LLGL1: variants seen among roughly 807,000 people sequenced by gnomAD.
LLGL1 encodes the protein LLGL scribble cell polarity complex component 1.
Under a neutral mutation model 110.6 loss-of-function variants are expected in LLGL1, and 58 were observed. That is an observed-to-expected ratio of 0.52 (90% CI 0.42 to 0.65). The LOEUF (loss-of-function observed/expected upper bound fraction) is 0.65, where lower values mean the gene tolerates loss of function less well. Ranked by LOEUF, LLGL1 falls within the 30% of genes least tolerant of loss-of-function variation. The pLI is 0.00. For synonymous variants in LLGL1, 674 were observed against 607.2 expected (o/e 1.11, Z -1.62); for missense variants, 1,229 against 1,462.1 (o/e 0.84, Z 2.60).
chr17:18,230,144 C>T (rs2047535864), intron 2 of LLGL1, 106 bp downstream of exon 2: 1 of 821,864 alleles, frequency 1.2e-6, no homozygotes, highest in Non-Finnish European at 1.9e-6. Flanking sequence ...GAGAGGAGGA[C>T]AGAGGTGCTC....
intron 20 of LLGL1, 76 bp downstream of exon 20, chr17:18,242,354 C>G (rs2047858918): frequency 6.5e-7 from 1 of 1,549,804 alleles, no homozygotes; most frequent in East Asian, 2.2e-5. Context: ...TCACATAGCT[C>G]AGGGATCGGG....
At position 18,238,626 on chromosome 17, in the gene LLGL1, G is replaced by A; in HGVS notation, c.2206+17G>A. 6.2e-7 allele frequency: 1 copy of A among 1,604,538 alleles called. No individual in the cohort carries two copies. The highest frequency in any genetic ancestry group is 8.5e-7 in the Non-Finnish European group (1 of 1,176,184). ...TTCGAGATGGTAAGGCAGGGGCAGG[G>A]GCAGGGACAGGGCAAGGGTTGGGGG... On this transcript the variant is annotated intron_variant, in intron 16 of 22. Transcript: ENST00000316843.
At chr17:18,228,303 C>A (rs568215532) in intron 1 of LLGL1, among the ~76,000 whole-genome samples, 2 of 152,160 alleles carry the variant, frequency 1.3e-5, no homozygotes, top group African/African-American at 2.4e-5. Flanking sequence ...TACTCCTGAG[C>A]GACAGGAAGT....
intron 16 of LLGL1, 67 bp downstream of exon 16, chr17:18,238,676 G>C (rs2047753283): frequency 6.7e-7 from 1 of 1,490,102 alleles, no homozygotes; most frequent in Non-Finnish European, 9.2e-7. Context: ...GGCCACCTGG[G>C]AGATGGGTGG....
chr17:18,240,801 A>G lies in LLGL1; in HGVS notation c.2430A>G (p.Ser810=). The change falls in exon 17 of 23, where the codon TCA becomes TCG. Residue 810 remains serine, a synonymous_variant. Coordinates refer to ENST00000316843, the MANE Select transcript of LLGL1 (RefSeq NM_004140.4). The surrounding 1 kb of genome is among the most constrained non-coding windows in gnomAD (Gnocchi z 5.3). ...GRPLPEPYEA[S]RDLAQAPDMQ... ...CACTGCCCGAGCCCTACGAGGCCTCACGGGACCTGGCGCAGGCACCTGACA... is the reference window on the plus strand; with the variant it reads ...CACTGCCCGAGCCCTACGAGGCCTCGCGGGACCTGGCGCAGGCACCTGACA... The G allele has an allele frequency of 1.9e-6, 3 of 1,587,972 alleles. No homozygotes were observed. In the South Asian group the frequency reaches 3.4e-5, roughly 18 times the overall value.
chr17:18,227,803 C>T (rs866975235), intron 1 of LLGL1, among the ~76,000 whole-genome samples: 3 of 152,176 alleles, frequency 2.0e-5, no homozygotes, highest in Admixed American at 6.5e-5. Context: ...AGTAAGGGCC[C>T]TCCGCTGAGG....
intron 22 of LLGL1, among the ~76,000 whole-genome samples, chr17:18,243,082 C>T (rs571122210): frequency 1.3e-5 from 2 of 149,996 alleles, no homozygotes; most frequent in Non-Finnish European, 3.0e-5. Flanking sequence ...GTGGTTAGGA[C>T]AAGACCAGAT....
At position 18,242,587 on chromosome 17, in the gene LLGL1, G is replaced by A; in HGVS notation, c.3075G>A (p.Thr1025=). The change falls in exon 21 of 23, where the codon ACG becomes ACA. Residue 1025 remains threonine, a synonymous_variant. Transcript: ENST00000316843. ...SATSADTTLD[T]TGDVTVEDVK... ...CCAGTGCTGACACCACGCTGGACAC[G>A]ACAGGGGACGTCACAGTGGAAGATG... 6.2e-7 allele frequency: 1 copy of A among 1,614,010 alleles called. No homozygotes were observed. Among genetic ancestry groups the A allele is most frequent in the Non-Finnish European group, 8.5e-7 (1 of 1,179,940 alleles).
chr17:18,235,041 C>T, intron 9 of LLGL1, 48 bp downstream of exon 9: 1 of 1,613,782 alleles, frequency 6.2e-7, no homozygotes, highest in Non-Finnish European at 8.5e-7. Flanking sequence ...ACCTGGTGCC[C>T]TCTGCCACCT....
At chr17:18,235,956 G>T in intron 11 of LLGL1, 1 of 219,742 alleles carries the variant, frequency 4.6e-6, no homozygotes, top group Non-Finnish European at 9.1e-6. Flanking sequence ...TCTGACTCTG[G>T]TGTGCCCTTC....
At chr17:18,243,732 C>T (rs970576957) in intron 22 of LLGL1, among the ~76,000 whole-genome samples, 176 bp from the exon 23 acceptor site, 2 of 152,178 alleles carry the variant, frequency 1.3e-5, no homozygotes, top group East Asian at 1.9e-4. Flanking sequence ...TGTGGCCTGG[C>T]GCTTGGATAC....
intron 11 of LLGL1, 40 bp from the exon 12 acceptor site, chr17:18,236,567 C>T (rs2047698305): frequency 1.3e-6 from 2 of 1,580,760 alleles, no homozygotes; most frequent in Non-Finnish European, 1.7e-6. Context: ...TGCAGGCCTC[C>T]CAGGAACTCG....
chr17:18,238,966 G>A (rs1443950042), intron 16 of LLGL1, among the ~76,000 whole-genome samples: 1 of 152,082 alleles, frequency 6.6e-6, no homozygotes, highest in Non-Finnish European at 1.5e-5. Context: ...AGCCGAGATC[G>A]TACCACTGCA....
chr17:18,242,936 A>G, intron 22 of LLGL1, 114 bp downstream of exon 22: 1 of 1,009,312 alleles, frequency 9.9e-7, no homozygotes, highest in South Asian at 1.7e-5. Context: ...GGCCCATGTG[A>G]TGGCACTCTC....
At chr17:18,226,856 G>C (rs2047455358) in intron 1 of LLGL1, among the ~76,000 whole-genome samples, 1 of 152,252 alleles carries the variant, frequency 6.6e-6, no homozygotes, top group South Asian at 2.1e-4. Context: ...TCTTACCCCA[G>C]AGCCCACTGA....
Position 18,225,719 on chromosome 17 carries a change from C to G in LLGL1, c.37C>G (p.Pro13Ala), listed in dbSNP as rs2047421302. The change falls in exon 1 of 23, where the codon CCG becomes GCG. Residue 13 changes from proline (P) to alanine (A), a missense_variant. Transcript: ENST00000316843. ...KFRFRRQGAD[P>A]QREKLKQELF... ...TCGGTTCCGGCGGCAGGGCGCCGAC[C>G]CGCAGCGCGAGAAGCTCAAGCAGGA... 7 of 1,063,136 alleles carry G rather than the reference C, an allele frequency of 6.6e-6. No individual in the cohort carries two copies. Among genetic ancestry groups the G allele is most frequent in the Non-Finnish European group, 8.1e-6 (7 of 868,850 alleles). 65.9% of individuals were successfully genotyped at this position (1,063,136 alleles called of 1,614,324 possible). A position where few individuals can be genotyped will look rare whatever the true frequency, so the allele number is the denominator to read the frequency against.
In LLGL1 at chr17:18,234,106, C is replaced by T. The variant is rs760800353; in HGVS notation, c.645C>T (p.Tyr215=). 1.0e-4 allele frequency: 163 copies of T among 1,611,410 alleles called. No individual in the cohort carries two copies. Among genetic ancestry groups the T allele is most frequent in the Middle Eastern group, 1.7e-4 (1 of 6,046 alleles). The part of the protein sequence containing the change: ...LRDPTKILIG[Y]SRGLLVIWNQ... The stretch of plus-strand genomic sequence containing the variant: ...ACCCCACAAAGATTCTCATTGGCTA[C>T]AGCCGGGGCCTGCTGGTCATCTGGA... The change falls in exon 6 of 23, where the codon TAC becomes TAT. Residue 215 remains tyrosine, a synonymous_variant. Transcript: ENST00000316843.
chr17:18,240,398 C>T lies in LLGL1; in HGVS notation c.2207-180C>T, dbSNP rs548430849. ...AGCATAGAGCTGGGGTCTCAGGCCT[C>T]GAGGCTGGAGGTCACCAGGGAGGCA... On this transcript the variant is annotated intron_variant, in intron 16 of 22. Transcript: ENST00000316843. This position sits in a 1 kb window ranked among gnomAD's most constrained non-coding sequence, Gnocchi z 5.3. Among the ~76,000 whole-genome samples, 14 of 152,142 alleles carry T rather than the reference C, an allele frequency of 9.2e-5. No individual in the cohort carries two copies. The highest frequency in any genetic ancestry group is 8.3e-4 in the South Asian group (4 of 4,812).
Position 18,244,345 on chromosome 17 carries a change from C to A in LLGL1, c.*439C>A. The A allele has an allele frequency of 6.6e-6, 1 of 152,190 alleles. No individual in the cohort carries two copies. The allele number at this position is 152,190 out of a possible 1,614,324, so 9.4% of individuals were successfully genotyped here. Reference sequence around the variant, plus strand: ...CAAGCCCCGCCTTCTGGGTTCCCGCCATTCTTCTGCCTCAGCCTCCCAAGT... The same window carrying A: ...CAAGCCCCGCCTTCTGGGTTCCCGCAATTCTTCTGCCTCAGCCTCCCAAGT... On this transcript the variant is annotated 3_prime_UTR_variant, in exon 23 of 23. Coordinates refer to ENST00000316843, the MANE Select transcript of LLGL1 (RefSeq NM_004140.4).
Sources: gnomAD v4.1 joint callset for allele counts (sites outside exome capture counted in the v4.1 genomes callset) on GRCh38, gnomAD v4.1.1 for gene constraint, Gnocchi (gnomAD v3.1) non-coding constraint, MANE v1.5 for transcripts, NCBI Gene and HGNC (gene_info 2026-07-23, HGNC 2026-07-21) for gene names.